Variants in PDCD11 observed in about 807,000 individuals in gnomAD.
The protein encoded by PDCD11 is protein RRP5 homolog.
In PDCD11, 97 loss-of-function variants were observed where a neutral mutation model predicts 198.9. The observed-to-expected ratio is 0.49, with a 90% CI of 0.41 to 0.58. The LOEUF is 0.58. Ranked by LOEUF, PDCD11 falls within the 20% of genes least tolerant of loss-of-function variation. The probability of loss-of-function intolerance (pLI) is 0.00; values close to 1 mark genes in which losing one functional copy is unlikely to be tolerated. For synonymous variants in PDCD11, 893 were observed against 918.0 expected (o/e 0.97, Z 0.49); for missense variants, 2,102 against 2,312.7 (o/e 0.91, Z 1.87).
rs77593066 is a variant in PDCD11 at position 103,446,011 on chromosome 10, C to T, written c.*462C>T. The T allele has an allele frequency of 6.1e-6, 1 of 163,624 alleles. No homozygotes were observed. Among genetic ancestry groups the T allele is most frequent in the South Asian group, 1.7e-4 (1 of 5,902 alleles). The allele number at this position is 163,624 out of a possible 1,614,324, so 10.1% of individuals were successfully genotyped here. Reference sequence around the variant, plus strand: ...TCTCTGGGTGTTCCTTCAGCCTCAGCCTCACTGGTACCTTCTGCCCTTTAG... The same window carrying T: ...TCTCTGGGTGTTCCTTCAGCCTCAGTCTCACTGGTACCTTCTGCCCTTTAG... On this transcript the variant is annotated 3_prime_UTR_variant, in exon 36 of 36. Coordinates refer to ENST00000369797, the MANE Select transcript of PDCD11 (RefSeq NM_014976.2).
intron 8 of PDCD11, 91 bp from the exon 9 acceptor site, chr10:103,413,025 T>C: frequency 1.1e-6 from 1 of 916,864 alleles, no homozygotes; most frequent in Non-Finnish European, 1.8e-6. Flanking sequence ...CATACCTGGT[T>C]AGCATGTGGA....
At chr10:103,402,370 A>C (rs1024994383) in intron 3 of PDCD11, among the ~76,000 whole-genome samples, 1 of 152,190 alleles carries the variant, frequency 6.6e-6, no homozygotes, top group Admixed American at 6.5e-5. Context: ...TGAGAAGTTC[A>C]CTGATATGTA....
At chr10:103,442,049 CT>C (rs2032406324) in intron 31 of PDCD11, 74 bp downstream of exon 31, 1 of 1,584,006 alleles carries the variant, frequency 6.3e-7, no homozygotes, top group African/African-American at 1.3e-5. Flanking sequence ...TGTTCCTAGA[CT>C]GGGTGTCTTC....
intron 7 of PDCD11, among the ~76,000 whole-genome samples, chr10:103,408,810 G>C (rs2030618276): frequency 6.6e-6 from 1 of 152,122 alleles, no homozygotes; most frequent in Non-Finnish European, 1.5e-5. Context: ...AGAGTGCTAG[G>C]ATTATAGGCA....
chr10:103,402,350 G>C (rs1306103280), intron 3 of PDCD11, among the ~76,000 whole-genome samples: 1 of 152,140 alleles, frequency 6.6e-6, no homozygotes, highest in African/African-American at 2.4e-5. Context: ...ACAGTGCTCG[G>C]TCAGATATTT....
At chr10:103,410,009 C>T (rs111643576) in intron 8 of PDCD11, among the ~76,000 whole-genome samples, 50 of 152,100 alleles carry the variant, frequency 3.3e-4, no homozygotes, top group African/African-American at 1.1e-3. Context: ...GTGAGGTGGG[C>T]GGATCACTTA....
intron 5 of PDCD11, 150 bp downstream of exon 5, chr10:103,405,333 G>T (rs1342971596): frequency 2.5e-5 from 16 of 649,354 alleles, no homozygotes; most frequent in Non-Finnish European, 3.7e-5. Context: ...GGGTTCTTTG[G>T]GCACTTAATG....
intron 14 of PDCD11, 88 bp from the exon 15 acceptor site, chr10:103,418,352 T>C: frequency 1.9e-6 from 2 of 1,072,100 alleles, no homozygotes; most frequent in South Asian, 3.0e-5. Flanking sequence ...GGTGCCGGAG[T>C]TTAATGCCTC....
At chr10:103,414,738 C>T (rs1216321346) in intron 11 of PDCD11, among the ~76,000 whole-genome samples, 2 of 152,242 alleles carry the variant, frequency 1.3e-5, no homozygotes, top group African/African-American at 4.8e-5. Context: ...GAGACCTTGA[C>T]ATAGTCCCTT....
In PDCD11 at chr10:103,434,964, G is replaced by A; in HGVS notation, c.3834G>A (p.Gln1278=). 6.4e-7 allele frequency: 1 copy of A among 1,565,034 alleles called. No homozygotes were observed. The highest frequency in any genetic ancestry group is 8.7e-7 in the Non-Finnish European group (1 of 1,153,768). The change falls in exon 25 of 36, where the codon CAG becomes CAA. Residue 1278 remains glutamine, a synonymous_variant. Coordinates refer to ENST00000369797, the MANE Select transcript of PDCD11 (RefSeq NM_014976.2). ...SETPLEDFVP[Q]KVVRCYILST... is the part of the protein sequence containing the mutation. ...CGCCCCTGGAAGACTTCGTCCCCCA[G>A]AAGGTTGTCAGGTAAGCGAAGTGTT...
intron 16 of PDCD11, 85 bp from the exon 17 acceptor site, chr10:103,421,263 C>A: frequency 2.9e-6 from 3 of 1,046,340 alleles, no homozygotes; most frequent in Non-Finnish European, 4.3e-6. Context: ...TCCCCCTACT[C>A]ACGTACCCCT....
At chr10:103,441,441 G>A (rs1263917659) in intron 30 of PDCD11, among the ~76,000 whole-genome samples, 1 of 152,122 alleles carries the variant, frequency 6.6e-6, no homozygotes, top group African/African-American at 2.4e-5. Flanking sequence ...TATTAGTAGA[G>A]AGGGGGTTTC....
chr10:103,413,830 GA>G, intron 9 of PDCD11, 135 bp from the exon 10 acceptor site: 1 of 829,370 alleles, frequency 1.2e-6, no homozygotes, highest in Non-Finnish European at 1.8e-6. Flanking sequence ...TTAGTGTGAA[GA>G]ATTACTTAAC....
intron 20 of PDCD11, among the ~76,000 whole-genome samples, chr10:103,426,778 T>A: frequency 6.9e-6 from 1 of 144,376 alleles, no homozygotes; most frequent in African/African-American, 2.6e-5. Context: ...AGAGTGAGAC[T>A]CCGTTTCAAA....
In PDCD11 at chr10:103,417,760, G is replaced by A. The variant is rs751244761; in HGVS notation, c.1771-32G>A. On this transcript the variant is annotated intron_variant, in intron 13 of 35. Coordinates refer to ENST00000369797, the MANE Select transcript of PDCD11 (RefSeq NM_014976.2). ...CAGGGCCTGCAAGGCTTGCTGGGAGGAGTTGGCCAAGCCTGTGTGGTTTCT... is the reference window on the plus strand; with the variant it reads ...CAGGGCCTGCAAGGCTTGCTGGGAGAAGTTGGCCAAGCCTGTGTGGTTTCT... 3.1e-6 allele frequency: 5 copies of A among 1,607,772 alleles called. No homozygotes were observed. The South Asian group carries it at 5.5e-5, about 18-fold the overall frequency.
At chr10:103,432,433 A>G (rs1408825544) in intron 22 of PDCD11, among the ~76,000 whole-genome samples, 199 bp downstream of exon 22, 1 of 152,256 alleles carries the variant, frequency 6.6e-6, no homozygotes, top group Non-Finnish European at 1.5e-5. Context: ...CTTACACACA[A>G]TTAGCAAGCA....
At chr10:103,445,295 C>T (rs2032558099) in intron 35 of PDCD11, 83 bp from the exon 36 acceptor site, 2 of 1,325,414 alleles carry the variant, frequency 1.5e-6, no homozygotes, top group African/African-American at 2.9e-5. Flanking sequence ...GGTTCCAGGG[C>T]TGAGAGCAAG....
intron 22 of PDCD11, among the ~76,000 whole-genome samples, chr10:103,432,460 T>C (rs1349183807): frequency 1.3e-5 from 2 of 152,246 alleles, no homozygotes; most frequent in Non-Finnish European, 2.9e-5. Flanking sequence ...AATTCATTGT[T>C]GGTAGGTTAA....
chr10:103,437,935 T>C, intron 25 of PDCD11, 80 bp from the exon 26 acceptor site: 1 of 1,123,734 alleles, frequency 8.9e-7, no homozygotes, highest in South Asian at 1.3e-5. Context: ...TTCGTCAGCC[T>C]GGAGGAGAGG....
Sources: allele counts gnomAD v4.1 joint callset (sites outside exome capture counted in the v4.1 genomes callset), GRCh38; gene constraint gnomAD v4.1.1; transcripts MANE v1.5; gene names NCBI Gene and HGNC (gene_info 2026-07-23, HGNC 2026-07-21).